The following PROS1 variants were observed in gnomAD, a reference collection of about 807,000 sequenced individuals.
PROS1 encodes protein S.
A neutral mutation model predicts 75.9 loss-of-function variants in PROS1; 29 were observed. That is an observed-to-expected ratio of 0.38 (90% CI 0.28 to 0.52). PROS1 has a LOEUF of 0.52. PROS1 is among the 20% of genes least tolerant of loss of function. The probability of loss-of-function intolerance (pLI) is 0.83; values close to 1 mark genes in which losing one functional copy is unlikely to be tolerated. For missense variants in PROS1, 680 were observed against 810.3 expected (o/e 0.84, Z 1.95); for synonymous variants, 245 against 280.6 (o/e 0.87, Z 1.27).
rs750304363 is a variant in PROS1, at chr3:93,875,057, CA to C, written c.1871-653del. ...ATTCTTCATCTTCAGTACCTTATGC[CA>C]AAAAAAAACCTTTAAATTTTCAACT... is the stretch of plus-strand genomic sequence containing the variant. On this transcript the variant is annotated intron_variant, in intron 14 of 14. Coordinates refer to ENST00000394236, the MANE Select transcript of PROS1 (RefSeq NM_000313.4). Among the ~76,000 whole-genome samples, 272 of 149,530 alleles carry C rather than the reference CA, an allele frequency of 1.8e-3. 1 individual carries two copies. In the Middle Eastern group the frequency reaches 0.02, roughly 11 times the overall value.
intron 3 of PROS1, among the ~76,000 whole-genome samples, chr3:93,920,223 C>G (rs908238423): frequency 2.6e-5 from 4 of 151,856 alleles, no homozygotes; most frequent in Admixed American, 6.6e-5. Context: ...CATAGTGAGA[C>G]CCCATCTCTA....
At chr3:93,925,197 G>A (rs1708999514) in intron 2 of PROS1, among the ~76,000 whole-genome samples, 1 of 152,170 alleles carries the variant, frequency 6.6e-6, no homozygotes, top group East Asian at 1.9e-4. Flanking sequence ...TATATCTAAT[G>A]TGTACCATTA....
chr3:93,909,202 C>T (rs1442285058), intron 4 of PROS1, among the ~76,000 whole-genome samples: 1 of 151,950 alleles, frequency 6.6e-6, no homozygotes, highest in Non-Finnish European at 1.5e-5. Flanking sequence ...CTTTGGGAGG[C>T]CCAGGTAGGA....
chr3:93,970,978 C>A (rs984361460), intron 1 of PROS1, among the ~76,000 whole-genome samples: 1 of 151,944 alleles, frequency 6.6e-6, no homozygotes, highest in East Asian at 1.9e-4. Flanking sequence ...CACTGCACTC[C>A]GGTCTGGGCA....
intron 1 of PROS1, among the ~76,000 whole-genome samples, chr3:93,941,396 C>T (rs1709285718): frequency 6.6e-6 from 1 of 152,178 alleles, no homozygotes. Context: ...TCATGACCAA[C>T]TGATCTCTCA....
At chr3:93,917,898 C>T (rs112476035) in intron 3 of PROS1, among the ~76,000 whole-genome samples, 10 of 152,256 alleles carry the variant, frequency 6.6e-5, no homozygotes, top group African/African-American at 2.4e-4. Flanking sequence ...GCCATGAAGC[C>T]TCCTTGATGA....
chr3:93,877,319 T>C lies in PROS1; in HGVS notation c.1645-128A>G, dbSNP rs191603989. 181 of 613,860 alleles carry C rather than the reference T, an allele frequency of 2.9e-4. 3 individuals are homozygous for C. In the East Asian group the frequency reaches 5.1e-3, roughly 17 times the overall value. 38.0% of individuals were successfully genotyped at this position (613,860 alleles called of 1,614,324 possible). A position where few individuals can be genotyped will look rare whatever the true frequency, so the allele number is the denominator to read the frequency against. ...GAAAGAAAATGTATGATAGAGCCTC[T>C]AAATTTAAGGGAAAAATCACTAATT... On this transcript the variant is annotated intron_variant, in intron 13 of 14. Coordinates refer to ENST00000394236, the MANE Select transcript of PROS1 (RefSeq NM_000313.4).
In PROS1 at chr3:93,906,149, G is replaced by A; in HGVS notation, c.347-6C>T. 6.2e-7 allele frequency: 1 copy of A among 1,612,398 alleles called. No individual in the cohort carries two copies. The highest frequency in any genetic ancestry group is 8.5e-7 in the Non-Finnish European group (1 of 1,179,508). On this transcript the variant is annotated splice_polypyrimidine_tract_variant and splice_region_variant and intron_variant, in intron 4 of 14. Transcript: ENST00000394236. ...ACTACACTGGTCTGGAATGGCTGAA[G>A]GAAATAGACATCTATTTATTTTTTT...
At chr3:93,923,855 G>A (rs1708978718) in intron 3 of PROS1, among the ~76,000 whole-genome samples, 2 of 151,466 alleles carry the variant, frequency 1.3e-5, no homozygotes, top group African/African-American at 4.9e-5. Flanking sequence ...TGAGCTGAGA[G>A]CAGGCCACAG....
rs1277965400 is a variant in PROS1 at position 93,884,837 on chromosome 3, A to G, written c.1383T>C (p.Ser461=). 4 of 1,613,546 alleles carry G rather than the reference A, an allele frequency of 2.5e-6. No homozygotes were observed. In the African/African-American group the frequency reaches 5.3e-5, roughly 22 times the overall value. Reference sequence around the variant, plus strand: ...TTTCTTGAATAATTTCCTTTATTCCAGAAGCTCCTTGCTTCATCAAATTCC... The same window carrying G: ...TTTCTTGAATAATTTCCTTTATTCCGGAAGCTCCTTGCTTCATCAAATTCC... The part of the protein sequence containing the change: ...RSWNLMKQGA[S]GIKEIIQEKQ... Residue 461 remains serine, a synonymous_variant, in exon 12 of 15, where the codon TCT becomes TCC. Coordinates refer to ENST00000394236, the MANE Select transcript of PROS1 (RefSeq NM_000313.4).
chr3:93,964,324 A>G (rs1468525300), intron 1 of PROS1, among the ~76,000 whole-genome samples: 2 of 152,160 alleles, frequency 1.3e-5, no homozygotes, highest in Non-Finnish European at 2.9e-5. Flanking sequence ...GTAGGAGAAC[A>G]TTGCTAAATT....
At chr3:93,888,586 T>G (rs1708384351) in intron 10 of PROS1, among the ~76,000 whole-genome samples, 1 of 152,120 alleles carries the variant, frequency 6.6e-6, no homozygotes, top group Non-Finnish European at 1.5e-5. Flanking sequence ...ACACAAACAG[T>G]TTCATGGCCT....
intron 1 of PROS1, among the ~76,000 whole-genome samples, chr3:93,962,344 A>G (rs1709719586): frequency 6.6e-6 from 1 of 152,166 alleles, no homozygotes; most frequent in South Asian, 2.1e-4. Flanking sequence ...TACTTCAACC[A>G]CAATAAAAAT....
At chr3:93,953,052 A>G (rs911659201) in intron 1 of PROS1, among the ~76,000 whole-genome samples, 1 of 152,202 alleles carries the variant, frequency 6.6e-6, no homozygotes. Context: ...CCCTTAATAG[A>G]TCAATAACAG....
intron 1 of PROS1, among the ~76,000 whole-genome samples, chr3:93,937,395 T>G (rs1266734376): frequency 6.8e-6 from 1 of 146,188 alleles, no homozygotes; most frequent in Non-Finnish European, 1.5e-5. Flanking sequence ...TGAGATGGAG[T>G]CTCACTCTGT....
At chr3:93,961,498 C>A (rs910518621) in intron 1 of PROS1, among the ~76,000 whole-genome samples, 1 of 152,178 alleles carries the variant, frequency 6.6e-6, no homozygotes, top group African/African-American at 2.4e-5. Flanking sequence ...AATCAGGAAG[C>A]CTGGAAGTGG....
chr3:93,958,478 C>T (rs1191479423), intron 1 of PROS1: 1 of 152,188 alleles, frequency 6.6e-6, no homozygotes, highest in Non-Finnish European at 1.5e-5. Context: ...TGTGGATAGT[C>T]ACTGTTGGTT....
intron 12 of PROS1, among the ~76,000 whole-genome samples, chr3:93,880,171 T>C (rs1326894640): frequency 2.0e-5 from 3 of 152,176 alleles, no homozygotes; most frequent in African/African-American, 7.2e-5. Context: ...CTTAGCCACA[T>C]ATAATGTCAC....
intron 1 of PROS1, among the ~76,000 whole-genome samples, chr3:93,941,874 C>T (rs1306020036): frequency 6.6e-6 from 1 of 152,178 alleles, no homozygotes; most frequent in African/African-American, 2.4e-5. Context: ...CTATTTTCTT[C>T]CTCACACCTG....
Sources: gnomAD v4.1 joint callset for allele counts (sites outside exome capture counted in the v4.1 genomes callset) on GRCh38, gnomAD v4.1.1 for gene constraint, MANE v1.5 for transcripts, NCBI Gene and HGNC (gene_info 2026-07-23, HGNC 2026-07-21) for gene names.